Variants in MAGI3 observed in about 807,000 individuals in gnomAD.
MAGI3 encodes the protein membrane-associated guanylate kinase, WW and PDZ domain-containing protein 3.
Under a neutral mutation model 121.8 loss-of-function variants are expected in MAGI3, and 43 were observed. That is an observed-to-expected ratio of 0.35 (90% CI 0.28 to 0.46). The LOEUF is 0.46. Among genes scored for constraint, MAGI3 ranks in the 20% least tolerant of loss-of-function variants. The probability of loss-of-function intolerance (pLI) is 1.00; values close to 1 mark genes in which losing one functional copy is unlikely to be tolerated. For synonymous variants in MAGI3, 553 were observed against 639.3 expected, an observed-to-expected ratio of 0.86 and a Z score of 2.04; for missense variants, 1,547 against 1,797.3, an observed-to-expected ratio of 0.86 and a Z score of 2.52.
chr1:113,580,700 A>G (rs751673326), intron 3 of MAGI3, 39 bp downstream of exon 3: 3 of 1,531,722 alleles, frequency 2.0e-6, no homozygotes, highest in East Asian at 4.8e-5. Flanking sequence ...CCAAAAAACT[A>G]TCTGAACGAC....
At chr1:113,639,174 C>T (rs796812347) in intron 9 of MAGI3, among the ~76,000 whole-genome samples, 1 of 152,236 alleles carries the variant, frequency 6.6e-6, no homozygotes, top group Non-Finnish European at 1.5e-5. Flanking sequence ...CTCCCTGACC[C>T]CTTGCACTTC....
At chr1:113,624,443 A>G (rs1570957258) in intron 9 of MAGI3, among the ~76,000 whole-genome samples, 2 of 152,268 alleles carry the variant, frequency 1.3e-5, no homozygotes, top group African/African-American at 4.8e-5. Flanking sequence ...TTTGATTTGT[A>G]TTTATCTGAT....
Position 113,390,985 on chromosome 1 carries a change from G to A in MAGI3, c.-49G>A. 2 of 1,476,444 alleles carry A rather than the reference G, an allele frequency of 1.4e-6. No homozygotes were observed. The highest frequency in any genetic ancestry group is 2.9e-5 in the East Asian group (1 of 35,006). The allele number at this position is 1,476,444 out of a possible 1,614,324, so 91.5% of individuals were successfully genotyped here. A position where few individuals can be genotyped will look rare whatever the true frequency, so the allele number is the denominator to read the frequency against. ...CGGGCTGAGACGGGGCCGGAGCGGC[G>A]CCCCGGCCGCCCGCGCGGGGTCTCC... On this transcript the variant is annotated 5_prime_UTR_variant, in exon 1 of 21. Coordinates refer to ENST00000307546, the MANE Select transcript of MAGI3 (RefSeq NM_001142782.2).
rs936281158 is a variant in MAGI3 at position 113,671,853 on chromosome 1, G to T, written c.2918+17G>T. 6.2e-7 allele frequency: 1 copy of T among 1,606,534 alleles called. No individual in the cohort carries two copies. Among genetic ancestry groups the T allele is most frequent in the Non-Finnish European group, 8.5e-7 (1 of 1,173,652 alleles). ...TGGGGACAGGTGGGGCTATTTTCAG[G>T]TTTTTGTTTTTGTTTTTTTCTTATT... On this transcript the variant is annotated intron_variant, in intron 17 of 20. Transcript: ENST00000307546.
intron 9 of MAGI3, among the ~76,000 whole-genome samples, chr1:113,623,578 C>T (rs1449397174): frequency 6.6e-6 from 1 of 151,850 alleles, no homozygotes. Flanking sequence ...AACTCCGTCT[C>T]CCGGGTTCAC....
At chr1:113,585,318 C>T in intron 3 of MAGI3, 69 bp from the exon 4 acceptor site, 1 of 1,421,304 alleles carries the variant, frequency 7.0e-7, no homozygotes, top group South Asian at 1.2e-5. Context: ...CAGAGACATA[C>T]ACTAGGTCAA....
At chr1:113,634,670 G>A (rs1651887381) in intron 9 of MAGI3, among the ~76,000 whole-genome samples, 1 of 152,180 alleles carries the variant, frequency 6.6e-6, no homozygotes, top group Non-Finnish European at 1.5e-5. Context: ...GTAGTGTAAT[G>A]CCTCCAGCTT....
At position 113,658,161 on chromosome 1, in the gene MAGI3, G is replaced by A. The variant is rs1653580775; in HGVS notation, c.2630-919G>A. Among the ~76,000 whole-genome samples the A allele has an allele frequency of 6.6e-6, 1 of 152,242 alleles. No homozygotes were observed. Among genetic ancestry groups the A allele is most frequent in the Non-Finnish European group, 1.5e-5 (1 of 68,044 alleles). On this transcript the variant is annotated intron_variant, in intron 15 of 20. Transcript: ENST00000307546. This position sits in a 1 kb window ranked among gnomAD's most constrained non-coding sequence, Gnocchi z 4.0. ...ACTGACCTAGGCTAGGAAATTCTCA[G>A]AGAACATAGAAGGAACATTTGTTTC...
intron 1 of MAGI3, among the ~76,000 whole-genome samples, chr1:113,492,171 T>C (rs1029180938): frequency 1.7e-4 from 26 of 152,176 alleles, no homozygotes; most frequent in Non-Finnish European, 2.9e-4. Flanking sequence ...TTATCCACCA[T>C]GATCAAGTAG....
chr1:113,437,864 C>CTTCTTCTTCTTCTTCTTCTTCTTCT (rs1557757106), intron 1 of MAGI3, among the ~76,000 whole-genome samples: 3 of 56,004 alleles, frequency 5.4e-5, no homozygotes, highest in Admixed American at 2.1e-4. Context: ...CTTCTTCTTC[C>CTTCTTCTTCTTCTTCTTCTTCTTCT]TCTTCTTCTT....
chr1:113,583,954 AGAAT>A (rs995303995), intron 3 of MAGI3, among the ~76,000 whole-genome samples: 2 of 152,202 alleles, frequency 1.3e-5, no homozygotes, highest in African/African-American at 4.8e-5. Flanking sequence ...AAACTTCCAA[AGAAT>A]TCATGTTAAA....
At chr1:113,611,920 C>T (rs1252923663) in intron 6 of MAGI3, among the ~76,000 whole-genome samples, 1 of 151,520 alleles carries the variant, frequency 6.6e-6, no homozygotes, top group Non-Finnish European at 1.5e-5. Context: ...AATCATCTCC[C>T]TCTCCCTAAT....
At chr1:113,582,956 G>T (rs1014380083) in intron 3 of MAGI3, among the ~76,000 whole-genome samples, 1 of 151,286 alleles carries the variant, frequency 6.6e-6, no homozygotes, top group Non-Finnish European at 1.5e-5. Flanking sequence ...TGAATAGTTG[G>T]CATTTCTGCA....
intron 9 of MAGI3, among the ~76,000 whole-genome samples, chr1:113,630,865 T>G (rs1651583657): frequency 6.6e-6 from 1 of 152,110 alleles, no homozygotes; most frequent in African/African-American, 2.4e-5. Flanking sequence ...CAGTCAGGTG[T>G]CTCTGATCCC....
chr1:113,475,405 A>G (rs1570729321), intron 1 of MAGI3, among the ~76,000 whole-genome samples: 1 of 152,230 alleles, frequency 6.6e-6, no homozygotes, highest in Non-Finnish European at 1.5e-5. Flanking sequence ...ATTTTGAGAT[A>G]CGTTCCATGA....
chr1:113,556,019 A>C (rs1659975683), intron 2 of MAGI3, among the ~76,000 whole-genome samples: 1 of 152,212 alleles, frequency 6.6e-6, no homozygotes, highest in South Asian at 2.1e-4. Flanking sequence ...ATCAACCAAC[A>C]AATTGAAATG....
intron 1 of MAGI3, among the ~76,000 whole-genome samples, chr1:113,504,730 A>G (rs1657224328): frequency 6.6e-6 from 1 of 152,180 alleles, no homozygotes; most frequent in Admixed American, 6.5e-5. Context: ...CCTAAGAAAT[A>G]AAAGTACTGG....
chr1:113,491,832 C>A (rs1385165418), intron 1 of MAGI3, among the ~76,000 whole-genome samples: 4 of 152,040 alleles, frequency 2.6e-5, no homozygotes, highest in Non-Finnish European at 5.9e-5. Context: ...GAAATTGAAT[C>A]CCTGAACAGA....
rs1648467015 is a variant in MAGI3, at chr1:113,685,085, C to G, written c.*1071C>G. ...AACAACCTGTGTAGGGTATGCCCAG[C>G]AAATGAGGACAAATGTGTAGACAGT... On this transcript the variant is annotated 3_prime_UTR_variant, in exon 21 of 21. Coordinates refer to ENST00000307546, the MANE Select transcript of MAGI3 (RefSeq NM_001142782.2). 6.6e-6 allele frequency: 1 copy of G among 152,336 alleles called. No individual in the cohort carries two copies. The highest frequency in any genetic ancestry group is 6.5e-5 in the Admixed American group (1 of 15,282). 9.4% of individuals were successfully genotyped at this position (152,336 alleles called of 1,614,324 possible). A position where few individuals can be genotyped will look rare whatever the true frequency, so the allele number is the denominator to read the frequency against.
Sources: allele counts gnomAD v4.1 joint callset (sites outside exome capture counted in the v4.1 genomes callset), GRCh38; gene constraint gnomAD v4.1.1; non-coding constraint Gnocchi (gnomAD v3.1); transcripts MANE v1.5; gene names NCBI Gene and HGNC (gene_info 2026-07-23, HGNC 2026-07-21).